Variants in TNN observed in about 807,000 individuals in gnomAD.
The protein encoded by TNN is tenascin N.
Under a neutral mutation model 134.4 loss-of-function variants are expected in TNN, and 122 were observed. The observed-to-expected ratio is 0.91, with a 90% CI of 0.78 to 1.06. TNN has a LOEUF of 1.06. Among genes scored for constraint, TNN ranks in the 50% least tolerant of loss-of-function variants. The pLI is 0.00. For synonymous variants in TNN, 710 were observed against 670.3 expected (o/e 1.06, Z -0.91); for missense variants, 1,739 against 1,699.4 (o/e 1.02, Z -0.41).
At chr1:175,087,161 G>A (rs1319002274) in intron 6 of TNN, among the ~76,000 whole-genome samples, 1 of 152,186 alleles carries the variant, frequency 6.6e-6, no homozygotes, top group African/African-American at 2.4e-5. Flanking sequence ...CAAGGTTAAG[G>A]ACATGCCTGG....
intron 16 of TNN, 150 bp from the exon 17 acceptor site, chr1:175,136,671 C>G (rs1558374590): frequency 1.4e-6 from 1 of 702,750 alleles, no homozygotes; most frequent in Admixed American, 2.9e-5. Context: ...TATGAGCCCC[C>G]AAAAGAGAAA....
intron 10 of TNN, among the ~76,000 whole-genome samples, chr1:175,118,024 T>C (rs1675230045): frequency 6.6e-6 from 1 of 152,336 alleles, no homozygotes; most frequent in East Asian, 1.9e-4. Flanking sequence ...CCTTTAGTAA[T>C]ATATAGTGAG....
chr1:175,083,252 A>T (rs1404347729), intron 4 of TNN, among the ~76,000 whole-genome samples: 1 of 152,222 alleles, frequency 6.6e-6, no homozygotes, highest in Non-Finnish European at 1.5e-5. Flanking sequence ...TGGGAGATGG[A>T]GGAAGGAGCT....
chr1:175,074,569 T>C (rs537839567), intron 1 of TNN, among the ~76,000 whole-genome samples: 6 of 151,706 alleles, frequency 4.0e-5, no homozygotes, highest in African/African-American at 7.2e-5. Context: ...AAGTGTCCCA[T>C]TGACTATTCC....
chr1:175,086,931 T>A (rs1674334663), intron 6 of TNN, among the ~76,000 whole-genome samples: 1 of 152,184 alleles, frequency 6.6e-6, no homozygotes, highest in Non-Finnish European at 1.5e-5. Flanking sequence ...TTTATGAATA[T>A]CTCATTTAGT....
chr1:175,135,370 A>G (rs1011330183), intron 15 of TNN, among the ~76,000 whole-genome samples: 2 of 152,054 alleles, frequency 1.3e-5, no homozygotes, highest in Admixed American at 1.3e-4. Flanking sequence ...TTTTTTCTCC[A>G]TAAGTATTAA....
In TNN at chr1:175,103,326, A is replaced by G. The variant is rs191982151; in HGVS notation, c.2119+4731A>G. Among the ~76,000 whole-genome samples, 154 of 146,296 alleles carry G rather than the reference A, an allele frequency of 1.1e-3. 12 individuals carry two copies. The highest frequency in any genetic ancestry group is 3.6e-3 in the African/African-American group (146 of 40,572). On this transcript the variant is annotated intron_variant, in intron 9 of 18. Coordinates refer to ENST00000239462, the MANE Select transcript of TNN (RefSeq NM_022093.2). ...CCCGACTGGTTAGTGTAAAAACAAC[A>G]TTCTTCCCCTAAGAAGGTGTAGTGT...
chr1:175,134,501 C>T (rs957295675), intron 15 of TNN, among the ~76,000 whole-genome samples: 45 of 151,432 alleles, frequency 3.0e-4, no homozygotes, highest in African/African-American at 1.1e-3. Flanking sequence ...GCCAAGATCA[C>T]ACCACTGCAC....
Position 175,123,739 on chromosome 1 carries a change from A to G in TNN, c.2914+76A>G. 1.9e-6 allele frequency: 3 copies of G among 1,591,844 alleles called. No homozygotes were observed. The South Asian group carries it at 3.4e-5, about 18-fold the overall frequency. On this transcript the variant is annotated intron_variant, in intron 12 of 18. Coordinates refer to ENST00000239462, the MANE Select transcript of TNN (RefSeq NM_022093.2). ...ACCTTCCTCCATCAGTGGGCTGGGG[A>G]GGGGAGCAGGAGGGTGGTTGCTTTA...
rs1330740127 is a variant in TNN at position 175,094,228 on chromosome 1, G to A, written c.1563G>A (p.Lys521=). ...VWAERGNQGS[K]KADTNALTEI... ...CTGAAAGGGGCAACCAGGGGAGCAAGAAAGCTGACACCAATGCCCTCACAG... is the reference window on the plus strand; with the variant it reads ...CTGAAAGGGGCAACCAGGGGAGCAAAAAAGCTGACACCAATGCCCTCACAG... The change falls in exon 7 of 19, where the codon AAG becomes AAA. Residue 521 remains lysine (K), a synonymous_variant. Transcript: ENST00000239462. 13 of 1,610,022 alleles carry A rather than the reference G, an allele frequency of 8.1e-6. No homozygotes were observed. In the Middle Eastern group the frequency reaches 5.0e-4, roughly 62 times the overall value.
chr1:175,099,590 GGAGGAGGAGAGGTGAGGGGT>G (rs1674665879), intron 9 of TNN, among the ~76,000 whole-genome samples: 1 of 44,644 alleles, frequency 2.2e-5, no homozygotes, highest in South Asian at 6.3e-4. Context: ...TGAGGGCTCA[GGAGGAGGAGAGGTGAGGGGT>G]CAGGAGGAGG....
At chr1:175,097,833 T>C in intron 8 of TNN, 150 bp downstream of exon 8, 1 of 1,128,528 alleles carries the variant, frequency 8.9e-7, no homozygotes, top group Non-Finnish European at 1.2e-6. Flanking sequence ...GTGATGGCGG[T>C]GGGCTGCTCT....
At chr1:175,134,026 G>A (rs1040245031) in intron 15 of TNN, among the ~76,000 whole-genome samples, 1 of 152,160 alleles carries the variant, frequency 6.6e-6, no homozygotes, top group Non-Finnish European at 1.5e-5. Context: ...AAATGCAAGG[G>A]AAGCTGTAAA....
chr1:175,069,110 AC>A (rs1673861712), intron 1 of TNN, among the ~76,000 whole-genome samples: 2 of 152,174 alleles, frequency 1.3e-5, no homozygotes, highest in African/African-American at 4.8e-5. Flanking sequence ...ACAAGTTCCA[AC>A]ATAAAAGTAA....
Position 175,147,351 on chromosome 1 carries a change from T to C in TNN, c.*280T>C. 4 of 305,958 alleles carry C rather than the reference T, an allele frequency of 1.3e-5. No homozygotes were observed. Among genetic ancestry groups the C allele is most frequent in the Non-Finnish European group, 2.4e-5 (4 of 168,184 alleles). 19.0% of individuals were successfully genotyped at this position (305,958 alleles called of 1,614,324 possible). A position where few individuals can be genotyped will look rare whatever the true frequency, so the allele number is the denominator to read the frequency against. Reference sequence around the variant, plus strand: ...TATCTTCAGCAACATATATACTGGATTAGGGCAAGAGAAGGAATCACCCAG... The same window carrying C: ...TATCTTCAGCAACATATATACTGGACTAGGGCAAGAGAAGGAATCACCCAG... On this transcript the variant is annotated 3_prime_UTR_variant, in exon 19 of 19. Coordinates refer to ENST00000239462, the MANE Select transcript of TNN (RefSeq NM_022093.2).
At chr1:175,076,347 C>T (rs1349544962) in intron 1 of TNN, among the ~76,000 whole-genome samples, 2 of 152,186 alleles carry the variant, frequency 1.3e-5, no homozygotes, top group East Asian at 3.9e-4. Context: ...GACCAAACCT[C>T]TCCGCATGTG....
intron 7 of TNN, among the ~76,000 whole-genome samples, chr1:175,095,516 C>G (rs1243730879): frequency 6.6e-6 from 1 of 152,164 alleles, no homozygotes; most frequent in Non-Finnish European, 1.5e-5. Context: ...TCTCTGTTTA[C>G]TAGGATTTTG....
intron 9 of TNN, among the ~76,000 whole-genome samples, chr1:175,099,895 A>G (rs1316730664): frequency 6.6e-6 from 1 of 151,718 alleles, no homozygotes; most frequent in Non-Finnish European, 1.5e-5. Flanking sequence ...TCCTCTGCCA[A>G]TACATCAGGG....
At position 175,077,845 on chromosome 1, in the gene TNN, T is replaced by C; in HGVS notation, c.409+18T>C. 1 of 1,599,260 alleles carries C rather than the reference T, an allele frequency of 6.3e-7. No homozygotes were observed. On this transcript the variant is annotated intron_variant, in intron 2 of 18. Transcript: ENST00000239462. Reference sequence around the variant, plus strand: ...AGTCACTGGTGAGCTCACCACCTGGTATTCATTCAACAAACATTTGATGAG... The same window carrying C: ...AGTCACTGGTGAGCTCACCACCTGGCATTCATTCAACAAACATTTGATGAG...
Sources: allele counts gnomAD v4.1 joint callset (sites outside exome capture counted in the v4.1 genomes callset), GRCh38; gene constraint gnomAD v4.1.1; transcripts MANE v1.5; gene names NCBI Gene and HGNC (gene_info 2026-07-23, HGNC 2026-07-21).